The following MATN2 variants were observed in gnomAD, a reference collection of about 807,000 sequenced individuals.
MATN2 encodes matrilin-2.
Under a neutral mutation model 103.2 loss-of-function variants are expected in MATN2, and 69 were observed. That is an observed-to-expected ratio of 0.67 (90% CI 0.55 to 0.82). The LOEUF is 0.82. Ranked by LOEUF, MATN2 falls within the 40% of genes least tolerant of loss-of-function variation. MATN2 has a pLI of 0.00. For missense variants in MATN2, 1,023 were observed against 1,211.5 expected (o/e 0.84, Z 2.31); for synonymous variants, 429 against 450.2 (o/e 0.95, Z 0.60).
At chr8:97,983,900 C>T (rs1258137942) in intron 6 of MATN2, among the ~76,000 whole-genome samples, 1 of 152,226 alleles carries the variant, frequency 6.6e-6, no homozygotes, top group African/African-American at 2.4e-5. Flanking sequence ...ATTCTCCCAG[C>T]TTGGCCTCCC....
intron 2 of MATN2, among the ~76,000 whole-genome samples, chr8:97,891,671 TG>T (rs1236340558): frequency 6.6e-6 from 1 of 152,230 alleles, no homozygotes; most frequent in African/African-American, 2.4e-5. Context: ...AACTTTTGTT[TG>T]TTTTTTAAGA....
At chr8:97,978,481 G>A (rs1811911053) in intron 5 of MATN2, among the ~76,000 whole-genome samples, 1 of 152,122 alleles carries the variant, frequency 6.6e-6, no homozygotes, top group Non-Finnish European at 1.5e-5. Flanking sequence ...GGTGAACATT[G>A]TCAAATTGCC....
At chr8:97,974,603 CGCCCA>C (rs1185738493) in intron 5 of MATN2, among the ~76,000 whole-genome samples, 2 of 151,298 alleles carry the variant, frequency 1.3e-5, no homozygotes, top group Non-Finnish European at 2.9e-5. Context: ...CCTGCCACCA[CGCCCA>C]GCTACTTTTT....
intron 1 of MATN2, among the ~76,000 whole-genome samples, chr8:97,877,295 T>C (rs946242818): frequency 2.0e-5 from 3 of 151,866 alleles, no homozygotes; most frequent in Non-Finnish European, 4.4e-5. Context: ...CTGACCAACA[T>C]GGAGAAACCC....
rs1398696149 is a variant in MATN2 at position 98,016,460 on chromosome 8, A to G, written c.1574-80A>G. On this transcript the variant is annotated intron_variant, in intron 10 of 18. Transcript: ENST00000254898. ...ACTGTTTTAATTCAAAGTGTCTGAA[A>G]TGTCTTTTATGATTGAATAAGCCAC... is the stretch of plus-strand genomic sequence containing the variant. The G allele has an allele frequency of 1.3e-5, 16 of 1,269,862 alleles. No individual in the cohort carries two copies. In the East Asian group the frequency reaches 3.3e-4, roughly 26 times the overall value. 78.7% of individuals were successfully genotyped at this position (1,269,862 alleles called of 1,614,324 possible).
At chr8:97,928,874 T>G (rs751349099) in intron 2 of MATN2, among the ~76,000 whole-genome samples, 21 of 152,214 alleles carry the variant, frequency 1.4e-4, no homozygotes, top group Non-Finnish European at 2.8e-4. Flanking sequence ...GATTTCAAAC[T>G]CTCAGTGCTC....
At chr8:98,034,825 A>T (rs1814176964) in intron 18 of MATN2, among the ~76,000 whole-genome samples, 1 of 151,690 alleles carries the variant, frequency 6.6e-6, no homozygotes. Context: ...TCTTCTCTTC[A>T]CCAGATTCCC....
chr8:98,015,828 C>A (rs1333987736), intron 10 of MATN2, among the ~76,000 whole-genome samples: 5 of 152,114 alleles, frequency 3.3e-5, no homozygotes, highest in Non-Finnish European at 1.5e-5. Context: ...TTGCTATATC[C>A]CCAGAGTCTA....
At chr8:97,927,494 T>A (rs1023643319) in intron 2 of MATN2, among the ~76,000 whole-genome samples, 4 of 151,932 alleles carry the variant, frequency 2.6e-5, no homozygotes, top group Non-Finnish European at 4.4e-5. Flanking sequence ...CTCTAGAGAG[T>A]TGAGATGCAC....
intron 1 of MATN2, among the ~76,000 whole-genome samples, chr8:97,875,303 C>G (rs1229076177): frequency 6.6e-6 from 1 of 152,190 alleles, no homozygotes; most frequent in Non-Finnish European, 1.5e-5. Context: ...AGAGAGAACA[C>G]CTGTTAAACT....
At chr8:97,913,177 T>C (rs1239738359) in intron 2 of MATN2, among the ~76,000 whole-genome samples, 1 of 151,948 alleles carries the variant, frequency 6.6e-6, no homozygotes, top group Non-Finnish European at 1.5e-5. Flanking sequence ...GTTCCCCAAT[T>C]CTTACCCAGA....
rs1452311545 is a variant in MATN2 at position 98,027,633 on chromosome 8, A to G, written c.2160A>G (p.Lys720=). ...TCAACTCAGCCAAAGACATGAAAAA[A>G]GCCGTGGCCCACATGAAATACATGG... ...RNFNSAKDMK[K]AVAHMKYMGK... The change falls in exon 14 of 19, where the codon AAA becomes AAG. Residue 720 remains lysine (K), a synonymous_variant. Transcript: ENST00000254898. 5.0e-6 allele frequency: 8 copies of G among 1,613,600 alleles called. No individual in the cohort carries two copies. The highest frequency in any genetic ancestry group is 4.2e-6 in the Non-Finnish European group (5 of 1,179,734).
chr8:97,923,398 C>A (rs186370404), intron 2 of MATN2, among the ~76,000 whole-genome samples: 2 of 152,322 alleles, frequency 1.3e-5, no homozygotes, highest in East Asian at 3.9e-4. Context: ...TCTTGGCTTA[C>A]TGCTACTCTG....
At chr8:97,883,716 G>A (rs144586220) in intron 1 of MATN2, among the ~76,000 whole-genome samples, 5,560 of 152,054 alleles carry the variant, frequency 0.037, 233 homozygotes, top group African/African-American at 0.097. Context: ...CACCACACCC[G>A]GCTAATTTTT....
chr8:97,902,365 C>T (rs1261241918), intron 2 of MATN2, among the ~76,000 whole-genome samples: 1 of 151,186 alleles, frequency 6.6e-6, no homozygotes, highest in Non-Finnish European at 1.5e-5. Context: ...GGTGTGGTGG[C>T]GGGCACCTGT....
chr8:97,888,962 T>C (rs965473673), intron 2 of MATN2, among the ~76,000 whole-genome samples: 2 of 152,162 alleles, frequency 1.3e-5, no homozygotes. Context: ...TCCCTGAGGC[T>C]CAGTTTTATC....
At chr8:98,002,966 G>T (rs1426699334) in intron 7 of MATN2, among the ~76,000 whole-genome samples, 2 of 151,990 alleles carry the variant, frequency 1.3e-5, no homozygotes, top group East Asian at 3.9e-4. Flanking sequence ...GTCATGCTCA[G>T]GTGGGCCAGC....
intron 2 of MATN2, among the ~76,000 whole-genome samples, chr8:97,896,715 G>A (rs1818820098): frequency 6.6e-6 from 1 of 151,630 alleles, no homozygotes. Flanking sequence ...CTGGGCAGAG[G>A]GATCAGGTAA....
intron 3 of MATN2, among the ~76,000 whole-genome samples, chr8:97,937,037 C>T (rs1278730483): frequency 6.6e-6 from 1 of 152,208 alleles, no homozygotes; most frequent in African/African-American, 2.4e-5. Context: ...CCCTCCACTC[C>T]TCTCCTTCTC....
Sources: gnomAD v4.1 joint callset for allele counts (sites outside exome capture counted in the v4.1 genomes callset) on GRCh38, gnomAD v4.1.1 for gene constraint, MANE v1.5 for transcripts, NCBI Gene and HGNC (gene_info 2026-07-23, HGNC 2026-07-21) for gene names.